PAK5: variants seen among roughly 807,000 people sequenced by gnomAD.
PAK5 encodes the protein p21 (RAC1) activated kinase 5.
In PAK5, 16 loss-of-function variants were observed where a neutral mutation model predicts 65.9. That is an observed-to-expected ratio of 0.24 (90% CI 0.16 to 0.37). The LOEUF (loss-of-function observed/expected upper bound fraction) is 0.37, where lower values mean the gene tolerates loss of function less well. Ranked by LOEUF, PAK5 falls within the 10% of genes least tolerant of loss-of-function variation. The pLI is 1.00. For missense variants in PAK5, 785 were observed against 903.9 expected (o/e 0.87, Z 1.69); for synonymous variants, 371 against 354.9 (o/e 1.05, Z -0.51).
At chr20:9,636,217 A>T (rs1236022107) in intron 3 of PAK5, among the ~76,000 whole-genome samples, 1 of 152,178 alleles carries the variant, frequency 6.6e-6, no homozygotes, top group Non-Finnish European at 1.5e-5. Flanking sequence ...AACTAAGAAA[A>T]ATGATATAGC....
chr20:9,658,472 A>G (rs1184141650), intron 2 of PAK5, among the ~76,000 whole-genome samples: 1 of 152,196 alleles, frequency 6.6e-6, no homozygotes, highest in Non-Finnish European at 1.5e-5. Flanking sequence ...GAAAAGGCAC[A>G]TAAGATTGGT....
At chr20:9,696,559 ACT>A (rs1376943775) in intron 2 of PAK5, among the ~76,000 whole-genome samples, 1 of 152,070 alleles carries the variant, frequency 6.6e-6, no homozygotes, top group African/African-American at 2.4e-5. Context: ...ATGGTCTACT[ACT>A]CTCTGAGACA....
chr20:9,541,450 A>C (rs1489755106), intron 9 of PAK5, among the ~76,000 whole-genome samples: 1 of 152,140 alleles, frequency 6.6e-6, no homozygotes, highest in African/African-American at 2.4e-5. Context: ...ATTAACCATG[A>C]CCTTCATTGC....
intron 5 of PAK5, among the ~76,000 whole-genome samples, chr20:9,564,187 A>G (rs1351688880): frequency 6.6e-6 from 1 of 152,198 alleles, no homozygotes. Context: ...TAAAATTACT[A>G]AAAGAATATT....
At chr20:9,819,772 A>G (rs2049398470) in intron 1 of PAK5, among the ~76,000 whole-genome samples, 1 of 152,168 alleles carries the variant, frequency 6.6e-6, no homozygotes, top group Non-Finnish European at 1.5e-5. Flanking sequence ...TAATTAGACA[A>G]GGAACCGGTA....
chr20:9,558,378 G>A (rs2045543613), intron 6 of PAK5, among the ~76,000 whole-genome samples: 2 of 152,086 alleles, frequency 1.3e-5, no homozygotes, highest in African/African-American at 4.8e-5. Flanking sequence ...GCCTCCCAAA[G>A]TGCTGGGATT....
intron 1 of PAK5, among the ~76,000 whole-genome samples, chr20:9,764,671 GAA>G (rs1203285917): frequency 6.6e-6 from 1 of 152,144 alleles, no homozygotes. Context: ...CTCATATATA[GAA>G]AAGAGTCTTC....
intron 1 of PAK5, among the ~76,000 whole-genome samples, chr20:9,814,266 G>A (rs1326910017): frequency 6.6e-6 from 1 of 152,104 alleles, no homozygotes; most frequent in Non-Finnish European, 1.5e-5. Flanking sequence ...TTCTACATAG[G>A]AATTGTTATG....
intron 1 of PAK5, among the ~76,000 whole-genome samples, chr20:9,803,163 G>A (rs2049192355): frequency 6.6e-6 from 1 of 151,814 alleles, no homozygotes; most frequent in Non-Finnish European, 1.5e-5. Flanking sequence ...ACAAGTGCTT[G>A]TAACTCAGAA....
chr20:9,577,708 T>A (rs1217871117), intron 4 of PAK5: 2 of 152,170 alleles, frequency 1.3e-5, no homozygotes, highest in African/African-American at 4.8e-5. Flanking sequence ...CCACCTCTTA[T>A]CCTCCCACAA....
At chr20:9,791,522 G>T (rs182474540) in intron 1 of PAK5, among the ~76,000 whole-genome samples, 1 of 151,914 alleles carries the variant, frequency 6.6e-6, no homozygotes, top group East Asian at 1.9e-4. Flanking sequence ...CCAAGTGCTG[G>T]CCCCTTCATC....
intron 3 of PAK5, among the ~76,000 whole-genome samples, chr20:9,597,824 C>A (rs930480857): frequency 2.4e-4 from 37 of 152,312 alleles, no homozygotes; most frequent in African/African-American, 8.9e-4. Flanking sequence ...CCAGCTGAGG[C>A]CATGCTAGGC....
chr20:9,547,006 A>G (rs2045355066), intron 7 of PAK5, among the ~76,000 whole-genome samples: 1 of 152,198 alleles, frequency 6.6e-6, no homozygotes, highest in Non-Finnish European at 1.5e-5. Flanking sequence ...TATTTGGAAG[A>G]GTCTTTGCAG....
chr20:9,632,594 C>T (rs549946503), intron 3 of PAK5, among the ~76,000 whole-genome samples: 31 of 152,264 alleles, frequency 2.0e-4, no homozygotes, highest in African/African-American at 7.5e-4. Flanking sequence ...ATAAAGATGT[C>T]CTTGTCAGAT....
Position 9,580,708 on chromosome 20 carries a change from T to C in PAK5, c.427A>G (p.Thr143Ala), listed in dbSNP as rs1338953691. Residue 143 changes from threonine (T) to alanine (A), a missense_variant, in exon 4 of 10, where the codon ACC (threonine) becomes GCC (alanine). Thr to Ala is a moderately conservative substitution (Grantham distance 58, BLOSUM62 0). This residue lies in a region of PAK5 where 422 missense variants were observed against 413.3 expected (regional missense o/e 1.02). Coordinates refer to ENST00000353224, the MANE Select transcript of PAK5 (RefSeq NM_177990.4). ...AGACTCTTCTCCCTGTACTTTTCGGTCGTGTAGTCAGCAGTAGTATCGGAT... is the reference window on the plus strand; with the variant it reads ...AGACTCTTCTCCCTGTACTTTTCGGCCGTGTAGTCAGCAGTAGTATCGGAT... ...SESDTTADYT[T>A]EKYREKSLYG... The C allele has an allele frequency of 1.2e-6, 2 of 1,613,902 alleles. No homozygotes were observed. Among genetic ancestry groups the C allele is most frequent in the Admixed American group, 3.3e-5 (2 of 59,994 alleles).
At chr20:9,768,640 G>C (rs553999211) in intron 1 of PAK5, among the ~76,000 whole-genome samples, 23 of 151,870 alleles carry the variant, frequency 1.5e-4, no homozygotes, top group African/African-American at 4.6e-4. Flanking sequence ...AAAATTATAC[G>C]GGTATGGTGG....
intron 2 of PAK5, among the ~76,000 whole-genome samples, chr20:9,671,819 G>A (rs992847609): frequency 8.6e-5 from 13 of 152,030 alleles, no homozygotes; most frequent in Non-Finnish European, 1.3e-4. Flanking sequence ...ATGTTGAATA[G>A]GAGTGGTGAG....
rs148946132 is a variant in PAK5, at chr20:9,566,441, C to T, written c.991-57G>A. 101 of 1,529,360 alleles carry T rather than the reference C, an allele frequency of 6.6e-5. No individual in the cohort carries two copies. The African/African-American group carries it at 1.0e-3, about 15-fold the overall frequency. The allele number at this position is 1,529,360 out of a possible 1,614,324, so 94.7% of individuals were successfully genotyped here. A position where few individuals can be genotyped will look rare whatever the true frequency, so the allele number is the denominator to read the frequency against. On this transcript the variant is annotated intron_variant, in intron 4 of 9. Transcript: ENST00000353224. ...ACATGCTGGATCTGAATGCCACAGC[C>T]GAGTGGTGAGTGAGCTGACTGACAG...
intron 1 of PAK5, among the ~76,000 whole-genome samples, chr20:9,734,957 T>G (rs2048372956): frequency 6.6e-6 from 1 of 152,232 alleles, no homozygotes; most frequent in Admixed American, 6.5e-5. Context: ...GTCAAAATTA[T>G]TCTTGAGGAA....
Sources: gnomAD v4.1 joint callset for allele counts (sites outside exome capture counted in the v4.1 genomes callset) on GRCh38, gnomAD v4.1.1 for gene constraint, gnomAD v4.1.1 regional missense constraint, MANE v1.5 for transcripts, NCBI Gene and HGNC (gene_info 2026-07-23, HGNC 2026-07-21) for gene names.